Variants in AKT3 observed in about 807,000 individuals in gnomAD.
AKT3 encodes AKT serine/threonine kinase 3.
A neutral mutation model predicts 65.3 loss-of-function variants in AKT3; 15 were observed. The observed-to-expected ratio is 0.23, with a 90% CI of 0.15 to 0.35. AKT3 has a LOEUF of 0.35. Among genes scored for constraint, AKT3 ranks in the 10% least tolerant of loss-of-function variants. The pLI, the probability that AKT3 is intolerant of heterozygous loss-of-function variation, is 1.00. For missense variants in AKT3, 243 were observed against 576.5 expected (o/e 0.42, Z 5.92); for synonymous variants, 206 against 183.8 (o/e 1.12, Z -0.98).
intron 9 of AKT3, among the ~76,000 whole-genome samples, chr1:243,571,356 G>T (rs990686391): frequency 6.6e-6 from 1 of 152,150 alleles, no homozygotes; most frequent in Non-Finnish European, 1.5e-5. Context: ...TGATTCATTT[G>T]ATGAGAAATG....
At chr1:243,561,112 TG>T (rs1006144468) in intron 10 of AKT3, among the ~76,000 whole-genome samples, 4 of 152,080 alleles carry the variant, frequency 2.6e-5, no homozygotes, top group African/African-American at 9.7e-5. Context: ...ATTATATTTT[TG>T]GCAAGAAAAT....
At chr1:243,721,173 T>G (rs148268980) in intron 2 of AKT3, among the ~76,000 whole-genome samples, 1 of 152,216 alleles carries the variant, frequency 6.6e-6, no homozygotes, top group African/African-American at 2.4e-5. Context: ...CCCTCACCTT[T>G]CTGTCTAGGA....
intron 5 of AKT3, among the ~76,000 whole-genome samples, chr1:243,645,384 A>G (rs1680730629): frequency 6.6e-6 from 1 of 152,152 alleles, no homozygotes; most frequent in Non-Finnish European, 1.5e-5. Flanking sequence ...ACACTGAGAG[A>G]AGGAAAAGTC....
intron 2 of AKT3, among the ~76,000 whole-genome samples, chr1:243,792,564 A>T (rs993017900): frequency 1.3e-5 from 2 of 152,312 alleles, no homozygotes; most frequent in East Asian, 1.9e-4. Flanking sequence ...CCTTACAATC[A>T]CTAAACATGA....
intron 2 of AKT3, among the ~76,000 whole-genome samples, chr1:243,841,481 A>G (rs532252606): frequency 6.6e-6 from 1 of 152,342 alleles, no homozygotes; most frequent in Admixed American, 6.5e-5. Context: ...AAGTAAATCA[A>G]AAAAGCCTTT....
chr1:243,671,113 C>G (rs933063307), intron 3 of AKT3, among the ~76,000 whole-genome samples: 1 of 144,508 alleles, frequency 6.9e-6, no homozygotes, highest in Non-Finnish European at 1.5e-5. Context: ...GAGTCTCGCT[C>G]TGTTGCCCAG....
chr1:243,769,781 C>T lies in AKT3; in HGVS notation c.46+73344G>A, dbSNP rs918979862. Among the ~76,000 whole-genome samples, 5 of 152,286 alleles carry T rather than the reference C, an allele frequency of 3.3e-5. No homozygotes were observed. In the East Asian group the frequency reaches 5.8e-4, roughly 18 times the overall value. On this transcript the variant is annotated intron_variant, in intron 2 of 13. Transcript: ENST00000673466. ...TTGTTGTTTCCTGAAGACCTTCTCA[C>T]TTTCTTGACAGCGGCCTTTGACATA...
At position 243,732,935 on chromosome 1, in the gene AKT3, TCAA is replaced by T. The variant is rs1486005008; in HGVS notation, c.47-37222_47-37220del. Among the ~76,000 whole-genome samples the T allele has an allele frequency of 7.2e-5, 11 of 152,358 alleles. No homozygotes were observed. The East Asian group carries it at 1.9e-3, about 27-fold the overall frequency. On this transcript the variant is annotated intron_variant, in intron 2 of 13. Coordinates refer to ENST00000673466, the MANE Select transcript of AKT3 (RefSeq NM_005465.7). ...AACAATCATCTGCATAAACACATGCTCAACAACAAACAGGTGTTCTATTTCACA... is the reference window on the plus strand; with the variant it reads ...AACAATCATCTGCATAAACACATGCTCAACAAACAGGTGTTCTATTTCACA...
At chr1:243,650,428 A>G (rs915103751) in intron 4 of AKT3, among the ~76,000 whole-genome samples, 2 of 151,992 alleles carry the variant, frequency 1.3e-5, no homozygotes, top group Non-Finnish European at 2.9e-5. Context: ...CCATTTGTCA[A>G]TTTTCGCTTT....
At chr1:243,768,604 G>C (rs999238456) in intron 2 of AKT3, among the ~76,000 whole-genome samples, 1 of 152,182 alleles carries the variant, frequency 6.6e-6, no homozygotes, top group Admixed American at 6.5e-5. Context: ...TTGGGAGGCA[G>C]AGGTGGGCAG....
chr1:243,662,321 G>C (rs897000832), intron 4 of AKT3, among the ~76,000 whole-genome samples: 1 of 152,068 alleles, frequency 6.6e-6, no homozygotes, highest in Non-Finnish European at 1.5e-5. Flanking sequence ...GTCCAACAAT[G>C]ATAGACTGGA....
intron 8 of AKT3, among the ~76,000 whole-genome samples, chr1:243,589,318 A>AAAG (rs973206747): frequency 6.7e-6 from 1 of 148,524 alleles, no homozygotes; most frequent in African/African-American, 2.5e-5. Context: ...AAAAAAAAAA[A>AAAG]AAAAAAGAAA....
At chr1:243,640,885 T>C (rs543584934) in intron 5 of AKT3, among the ~76,000 whole-genome samples, 1 of 152,222 alleles carries the variant, frequency 6.6e-6, no homozygotes, top group Admixed American at 6.5e-5. Context: ...GTCAATTTGA[T>C]TGTATTGAAA....
intron 2 of AKT3, among the ~76,000 whole-genome samples, chr1:243,828,794 C>A (rs1558851665): frequency 6.6e-6 from 1 of 151,996 alleles, no homozygotes; most frequent in Admixed American, 6.6e-5. Flanking sequence ...CATTTTTGAC[C>A]GTGCAGGTGG....
chr1:243,830,002 G>A (rs1694404283), intron 2 of AKT3, among the ~76,000 whole-genome samples: 1 of 152,140 alleles, frequency 6.6e-6, no homozygotes, highest in Admixed American at 6.6e-5. Flanking sequence ...GAGAAACATT[G>A]ACAAACTGAG....
At chr1:243,490,574 T>A (rs1666160320) in intron 13 of AKT3, among the ~76,000 whole-genome samples, 1 of 152,230 alleles carries the variant, frequency 6.6e-6, no homozygotes, top group African/African-American at 2.4e-5. Flanking sequence ...ACTTAAGCCT[T>A]TTTCCAGCCT....
intron 2 of AKT3, among the ~76,000 whole-genome samples, chr1:243,825,139 AACTAAC>A (rs1383710512): frequency 2.0e-5 from 3 of 152,220 alleles, no homozygotes; most frequent in African/African-American, 7.2e-5. Context: ...ATCCTCAGCA[AACTAAC>A]ACAGGAACAG....
At chr1:243,780,379 G>T (rs954718203) in intron 2 of AKT3, among the ~76,000 whole-genome samples, 1 of 151,888 alleles carries the variant, frequency 6.6e-6, no homozygotes, top group African/African-American at 2.4e-5. Context: ...GGCAATATCT[G>T]CATAACCATA....
intron 2 of AKT3, among the ~76,000 whole-genome samples, chr1:243,755,327 G>A (rs544252388): frequency 3.3e-5 from 5 of 151,290 alleles, no homozygotes; most frequent in Non-Finnish European, 5.9e-5. Context: ...TGCCCGCCTC[G>A]GCCACCAAAG....
Sources: gnomAD v4.1 joint callset for allele counts (sites outside exome capture counted in the v4.1 genomes callset) on GRCh38, gnomAD v4.1.1 for gene constraint, MANE v1.5 for transcripts, NCBI Gene and HGNC (gene_info 2026-07-23, HGNC 2026-07-21) for gene names.